Variants in NXNL2 observed in about 807,000 individuals in gnomAD.
NXNL2 encodes the protein nucleoredoxin like 2, also known as nucleoredoxin-like protein 2.
NXNL2 carries 7 observed loss-of-function variants against 11.1 expected under a neutral mutation model. The observed-to-expected ratio is 0.63, with a 90% CI of 0.36 to 1.18. NXNL2 has a LOEUF of 1.18. Among genes scored for constraint, NXNL2 ranks in the 50% most tolerant of loss-of-function variants. The probability of loss-of-function intolerance (pLI) is 0.02; values close to 1 mark genes in which losing one functional copy is unlikely to be tolerated. For synonymous variants in NXNL2, 109 were observed against 101.8 expected (o/e 1.07, Z -0.42); for missense variants, 233 against 217.7 (o/e 1.07, Z -0.44).
intron 1 of NXNL2, among the ~76,000 whole-genome samples, chr9:88,551,360 C>T (rs1829928873): frequency 6.6e-6 from 1 of 152,048 alleles, no homozygotes; most frequent in South Asian, 2.1e-4. Context: ...TTCTATCTGC[C>T]ATCTCTTTTT....
At chr9:88,577,335 A>G (rs1224360895), downstream of NXNL2, among the ~76,000 whole-genome samples, 1 of 151,128 alleles carries the variant, frequency 6.6e-6, no homozygotes, top group Non-Finnish European at 1.5e-5. Context: ...GGTGTTTGTG[A>G]TGCACCCCCG....
rs541161099 is a variant in NXNL2 at position 88,564,259 on chromosome 9, T to C, written c.303-6828T>C. On this transcript the variant is annotated intron_variant, in intron 1 of 2. Transcript: ENST00000375855. ...GATGTTGTCTATCTATCTATCTATC[T>C]ATCTATCTGTCTATCTATCTATCTA... Among the ~76,000 whole-genome samples, 3 of 135,854 alleles carry C rather than the reference T, an allele frequency of 2.2e-5. No homozygotes were observed. In the Admixed American group the frequency reaches 2.3e-4, roughly 10 times the overall value. The allele number at this position is 135,854 out of a possible 152,430, so 89.1% of individuals were successfully genotyped here.
At chr9:88,564,088 G>A (rs1830128040) in intron 1 of NXNL2, among the ~76,000 whole-genome samples, 1 of 151,874 alleles carries the variant, frequency 6.6e-6, no homozygotes, top group African/African-American at 2.4e-5. Flanking sequence ...GCATGTGTCT[G>A]TAATCCCAGC....
chr9:88,581,707 C>T (rs375463603), intron 1 of NXNL2, among the ~76,000 whole-genome samples: 8 of 152,332 alleles, frequency 5.3e-5, no homozygotes, highest in African/African-American at 9.6e-5. Flanking sequence ...CCGCCCACCT[C>T]GGCCTCCCAA....
intron 1 of NXNL2, among the ~76,000 whole-genome samples, chr9:88,563,864 A>G (rs561706331): frequency 6.6e-6 from 1 of 150,808 alleles, no homozygotes; most frequent in Non-Finnish European, 1.5e-5. Flanking sequence ...CCCTTCCCTG[A>G]CCCTCCCATT....
At chr9:88,580,983 C>CGTGGTATCCTCCTCAGTGT (rs1830403059) in intron 1 of NXNL2, among the ~76,000 whole-genome samples, 1 of 152,174 alleles carries the variant, frequency 6.6e-6, no homozygotes, top group African/African-American at 2.4e-5. Context: ...ATAAGAGTGA[C>CGTGGTATCCTCCTCAGTGT]GTGGTATCCT....
chr9:88,540,497 T>C (rs1276647017), intron 1 of NXNL2, among the ~76,000 whole-genome samples: 1 of 152,080 alleles, frequency 6.6e-6, no homozygotes, highest in African/African-American at 2.4e-5. Context: ...TGGCTGTTCG[T>C]GAAGGAGTTG....
intron 1 of NXNL2, among the ~76,000 whole-genome samples, chr9:88,556,333 T>C (rs1252639682): frequency 6.6e-6 from 1 of 152,030 alleles, no homozygotes; most frequent in African/African-American, 2.4e-5. Flanking sequence ...GTTTGGTGGG[T>C]CTTGGGTTCT....
At chr9:88,549,229 C>A (rs537513102), downstream of NXNL2, among the ~76,000 whole-genome samples, 107 of 152,270 alleles carry the variant, frequency 7.0e-4, no homozygotes, top group African/African-American at 2.5e-3. Context: ...TGTGCTGAAG[C>A]CTCCCAACAT....
chr9:88,570,381 G>A (rs377388463), intron 1 of NXNL2, among the ~76,000 whole-genome samples: 413 of 152,236 alleles, frequency 2.7e-3, no homozygotes, highest in Non-Finnish European at 5.0e-3. Flanking sequence ...GCCTCCCAAA[G>A]TGCTGGGATT....
chr9:88,567,887 C>T (rs1830200198), intron 1 of NXNL2, among the ~76,000 whole-genome samples: 1 of 152,162 alleles, frequency 6.6e-6, no homozygotes, highest in East Asian at 1.9e-4. Context: ...CCAAGACCAG[C>T]CTGAGTTGAA....
At chr9:88,549,165 C>T (rs1037723105), downstream of NXNL2, among the ~76,000 whole-genome samples, 8 of 152,224 alleles carry the variant, frequency 5.3e-5, no homozygotes, top group Non-Finnish European at 8.8e-5. Flanking sequence ...GGTTTCCTCT[C>T]GAGATATGCA....
downstream of NXNL2, chr9:88,545,078 G>T (rs567727225): frequency 5.9e-6 from 1 of 168,938 alleles, no homozygotes; most frequent in South Asian, 1.9e-4. Context: ...TTTGTCACAG[G>T]TGCTAGTTTT....
intron 1 of NXNL2, among the ~76,000 whole-genome samples, chr9:88,581,681 C>T (rs1830410160): frequency 6.6e-6 from 1 of 152,180 alleles, no homozygotes; most frequent in Non-Finnish European, 1.5e-5. Flanking sequence ...GTCTCAAACA[C>T]CCGACCTCAG....
intron 1 of NXNL2, among the ~76,000 whole-genome samples, chr9:88,560,803 A>G (rs1433098333): frequency 7.2e-5 from 11 of 152,164 alleles, no homozygotes; most frequent in Admixed American, 5.2e-4. Context: ...GTTGAACGTC[A>G]CTATAGGTTC....
At chr9:88,569,719 T>C (rs1830230291) in intron 1 of NXNL2, among the ~76,000 whole-genome samples, 1 of 152,216 alleles carries the variant, frequency 6.6e-6, no homozygotes, top group Non-Finnish European at 1.5e-5. Flanking sequence ...ATTATGTGGT[T>C]TTTTCTTCTT....
exon 3 of NXNL2, chr9:88,575,169 T>G: frequency 1.0e-6 from 1 of 985,190 alleles, no homozygotes; most frequent in Non-Finnish European, 1.2e-6. Context: ...CCCCGCACCA[T>G]CCGTGTCCTG....
chr9:88,550,304 C>A (rs2118454462), intron 1 of NXNL2, among the ~76,000 whole-genome samples: 1 of 152,302 alleles, frequency 6.6e-6, no homozygotes, highest in African/African-American at 2.4e-5. Context: ...GACACACATC[C>A]AAACTACATC....
At chr9:88,555,710 G>T (rs1256885905) in intron 1 of NXNL2, among the ~76,000 whole-genome samples, 2 of 152,198 alleles carry the variant, frequency 1.3e-5, no homozygotes, top group South Asian at 2.1e-4. Flanking sequence ...CTGTCCGGTG[G>T]TGCCTTTGCT....
Sources: allele counts gnomAD v4.1 joint callset (sites outside exome capture counted in the v4.1 genomes callset), GRCh38; gene constraint gnomAD v4.1.1; transcripts MANE v1.5; gene names NCBI Gene and HGNC (gene_info 2026-07-23, HGNC 2026-07-21).